The following HPSE2 variants were observed in gnomAD, a reference collection of about 807,000 sequenced individuals.
HPSE2 encodes the protein heparanase 2 (inactive), also known as inactive heparanase-2.
Under a neutral mutation model 60.5 loss-of-function variants are expected in HPSE2, and 38 were observed. The observed-to-expected ratio is 0.63, with a 90% CI of 0.48 to 0.82. The LOEUF (loss-of-function observed/expected upper bound fraction) is 0.82. Among genes scored for constraint, HPSE2 ranks in the 40% least tolerant of loss-of-function variants. HPSE2 has a pLI of 0.00. For missense variants in HPSE2, 713 were observed against 740.4 expected (o/e 0.96, Z 0.43); for synonymous variants, 295 against 293.2 (o/e 1.01, Z -0.06).
intron 9 of HPSE2, among the ~76,000 whole-genome samples, chr10:98,522,097 A>G (rs1942813144): frequency 6.6e-6 from 1 of 152,048 alleles, no homozygotes; most frequent in Admixed American, 6.5e-5. Context: ...TCAAACCTGC[A>G]TGTTGTGCAC....
chr10:98,928,948 C>G (rs1436231417), intron 3 of HPSE2, among the ~76,000 whole-genome samples: 9 of 140,142 alleles, frequency 6.4e-5, no homozygotes, highest in Admixed American at 5.7e-4. Flanking sequence ...TGTAACTAAC[C>G]TGCACATTGT....
intron 3 of HPSE2, among the ~76,000 whole-genome samples, chr10:98,871,822 C>T (rs766971618): frequency 8.5e-5 from 13 of 152,172 alleles, no homozygotes; most frequent in Non-Finnish European, 1.8e-4. Context: ...CAAAAGGCCA[C>T]TGGGACTTAT....
At chr10:99,196,154 A>G (rs1361287056) in intron 2 of HPSE2, among the ~76,000 whole-genome samples, 1 of 152,210 alleles carries the variant, frequency 6.6e-6, no homozygotes, top group Non-Finnish European at 1.5e-5. Context: ...GCATATCCAT[A>G]TGCAGAAGAA....
At chr10:99,275,222 A>AT in the HPSE2 span, among the ~76,000 whole-genome samples, 1 of 152,176 alleles carries the variant, frequency 6.6e-6, no homozygotes, top group Admixed American at 6.5e-5. Context: ...TCAGCTTCTA[A>AT]TTTTTTCGAT....
At chr10:98,463,495 C>T (rs970696352) in intron 11 of HPSE2, among the ~76,000 whole-genome samples, 1 of 152,168 alleles carries the variant, frequency 6.6e-6, no homozygotes, top group Non-Finnish European at 1.5e-5. Flanking sequence ...GATTGAAATA[C>T]ACAAGTTAAT....
Position 98,937,100 on chromosome 10 carries a change from T to C in HPSE2, c.611-193044A>G, listed in dbSNP as rs1189129974. Among the ~76,000 whole-genome samples the C allele has an allele frequency of 2.8e-5, 4 of 141,374 alleles. 1 individual carries two copies. The highest frequency in any genetic ancestry group is 5.8e-5 in the African/African-American group (2 of 34,264). 92.7% of individuals were successfully genotyped at this position (141,374 alleles called of 152,430 possible). On this transcript the variant is annotated intron_variant, in intron 3 of 11. Coordinates refer to ENST00000370552, the MANE Select transcript of HPSE2 (RefSeq NM_021828.5). The stretch of plus-strand genomic sequence containing the variant: ...TTTTAAAAATAATTACCTGTGACAA[T>C]GGAGCCAAGATGGCTGAGTAGGAAC...
chr10:98,490,108 G>C lies in HPSE2; in HGVS notation c.1409C>G (p.Pro470Arg). 6.2e-7 allele frequency: 1 copy of C among 1,614,232 alleles called. No individual in the cohort carries two copies. The highest frequency in any genetic ancestry group is 2.2e-5 in the East Asian group (1 of 44,888). The stretch of plus-strand genomic sequence containing the variant: ...TAGTTTGTCCCGGATCACTCGGCCA[G>C]GCCGTGGCTTCCGCTGGAGCCCAGC... ...HVAGLQRKPRPGRVIRDKLRI... is the reference protein window; with the variant it reads ...HVAGLQRKPRRGRVIRDKLRI... Residue 470 changes from proline to arginine, a missense_variant, in exon 10 of 12, where the codon CCT becomes CGT. Transcript: ENST00000370552.
At chr10:99,167,328 C>A (rs1336871020) in intron 2 of HPSE2, among the ~76,000 whole-genome samples, 1 of 152,120 alleles carries the variant, frequency 6.6e-6, no homozygotes, top group Non-Finnish European at 1.5e-5. Flanking sequence ...AATATTGTAT[C>A]TAAAAACTTT....
At position 98,513,484 on chromosome 10, in the gene HPSE2, T is replaced by TA. The variant is rs1211214651; in HGVS notation, c.1321-23289dup. Among the ~76,000 whole-genome samples the TA allele has an allele frequency of 2.6e-5, 4 of 152,220 alleles. No individual in the cohort carries two copies. In the East Asian group the frequency reaches 7.7e-4, roughly 29 times the overall value. On this transcript the variant is annotated intron_variant, in intron 9 of 11. Coordinates refer to ENST00000370552, the MANE Select transcript of HPSE2 (RefSeq NM_021828.5). The stretch of plus-strand genomic sequence containing the variant: ...AATTACAGTCCAGAGGGTCATCACA[T>TA]AAGGGGCACCAGAAGTCCTGGAGCA...
At chr10:98,688,625 G>A (rs1298299184) in intron 6 of HPSE2, among the ~76,000 whole-genome samples, 2 of 151,286 alleles carry the variant, frequency 1.3e-5, no homozygotes, top group Non-Finnish European at 2.9e-5. Flanking sequence ...ACAGGTACTT[G>A]CCACCAGCCC....
In HPSE2 at chr10:98,655,588, C is replaced by T. The variant is rs142464533; in HGVS notation, c.1005-13648G>A. 3.7e-3 allele frequency among the ~76,000 whole-genome samples: 564 copies of T among 152,212 alleles called. 4 individuals carry two copies. Among genetic ancestry groups the T allele is most frequent in the African/African-American group, 0.013 (544 of 41,520 alleles). ...TGATTGTCAGTTTGTTTAGCTTTTG[C>T]TTGTATGAAATTTCAGCTTTTTCTT... On this transcript the variant is annotated intron_variant, in intron 6 of 11. Coordinates refer to ENST00000370552, the MANE Select transcript of HPSE2 (RefSeq NM_021828.5).
At chr10:99,306,721 G>C in the HPSE2 span, among the ~76,000 whole-genome samples, 1 of 152,106 alleles carries the variant, frequency 6.6e-6, no homozygotes, top group South Asian at 2.1e-4. Context: ...TTTGTTTTTT[G>C]TTTTTAAGAC....
chr10:98,516,973 T>C (rs1942621713), intron 9 of HPSE2, among the ~76,000 whole-genome samples: 1 of 152,128 alleles, frequency 6.6e-6, no homozygotes, highest in Non-Finnish European at 1.5e-5. Context: ...TTCACTAGGA[T>C]TGTCAAAGTT....
At chr10:99,256,033 G>C in the HPSE2 span, among the ~76,000 whole-genome samples, 3 of 152,126 alleles carry the variant, frequency 2.0e-5, no homozygotes, top group Admixed American at 6.5e-5. Flanking sequence ...ACAGTGAAGG[G>C]GGAAGTGCTA....
intron 3 of HPSE2, among the ~76,000 whole-genome samples, chr10:98,853,350 T>C (rs1283759686): frequency 6.6e-6 from 1 of 152,188 alleles, no homozygotes; most frequent in Non-Finnish European, 1.5e-5. Flanking sequence ...AGAAGGAAAG[T>C]GCTTCAGCAA....
At chr10:98,489,613 C>T (rs139202580) in intron 10 of HPSE2, among the ~76,000 whole-genome samples, 46 of 152,266 alleles carry the variant, frequency 3.0e-4, no homozygotes, top group African/African-American at 9.4e-4. Flanking sequence ...AGGTTTCTAG[C>T]GGCATATCTC....
chr10:98,525,257 C>T (rs527257984), intron 9 of HPSE2, among the ~76,000 whole-genome samples: 97 of 152,292 alleles, frequency 6.4e-4, no homozygotes, highest in African/African-American at 2.2e-3. Flanking sequence ...GAAATCTGCC[C>T]GCCTTGGCCT....
chr10:99,125,929 T>C (rs1453208659), intron 3 of HPSE2, among the ~76,000 whole-genome samples: 1 of 152,166 alleles, frequency 6.6e-6, no homozygotes, highest in Non-Finnish European at 1.5e-5. Context: ...AGCTTCCAAC[T>C]GAAATCTGTA....
intron 3 of HPSE2, among the ~76,000 whole-genome samples, chr10:98,970,340 G>A (rs1955920290): frequency 6.6e-6 from 1 of 152,098 alleles, no homozygotes; most frequent in Admixed American, 6.6e-5. Flanking sequence ...ATAGCACCAA[G>A]CCATTTATGA....
Sources: gnomAD v4.1 joint callset for allele counts (sites outside exome capture counted in the v4.1 genomes callset) on GRCh38, gnomAD v4.1.1 for gene constraint, MANE v1.5 for transcripts, NCBI Gene and HGNC (gene_info 2026-07-23, HGNC 2026-07-21) for gene names.